Variants in THSD4 observed in about 807,000 individuals in gnomAD.
THSD4 encodes the protein thrombospondin type 1 domain containing 4.
A neutral mutation model predicts 119.0 loss-of-function variants in THSD4; 69 were observed. The observed-to-expected ratio is 0.58, with a 90% confidence interval of 0.48 to 0.71. The LOEUF is 0.71. THSD4 is among the 30% of genes least tolerant of loss of function. The probability of loss-of-function intolerance (pLI) is 0.00; values close to 1 mark genes in which losing one functional copy is unlikely to be tolerated. For synonymous variants in THSD4, 524 were observed against 540.4 expected (o/e 0.97, Z 0.42); for missense variants, 1,393 against 1,391.1 (o/e 1.00, Z -0.02).
chr15:71,268,488 C>T (rs2044489110), intron 6 of THSD4, among the ~76,000 whole-genome samples: 1 of 152,056 alleles, frequency 6.6e-6, no homozygotes, highest in Non-Finnish European at 1.5e-5. Context: ...GCACTAAATG[C>T]CCATAGGAGA....
intron 7 of THSD4, among the ~76,000 whole-genome samples, chr15:71,505,706 A>G (rs891105221): frequency 6.6e-6 from 1 of 152,244 alleles, no homozygotes; most frequent in African/African-American, 2.4e-5. Flanking sequence ...GGTAAGGCAA[A>G]TGGTAATGAA....
chr15:71,770,547 G>C (rs1227772876), intron 16 of THSD4, among the ~76,000 whole-genome samples: 1 of 151,364 alleles, frequency 6.6e-6, no homozygotes, highest in Non-Finnish European at 1.5e-5. Context: ...CCCAGCTACT[G>C]GGGAGGCTGA....
At chr15:71,184,459 A>C (rs567369520) in intron 3 of THSD4, among the ~76,000 whole-genome samples, 2 of 151,878 alleles carry the variant, frequency 1.3e-5, no homozygotes, top group South Asian at 2.1e-4. Flanking sequence ...CTTTGATGGA[A>C]TGCTCACCAT....
chr15:71,127,700 G>A (rs1216729665), intron 1 of THSD4, among the ~76,000 whole-genome samples: 1 of 152,148 alleles, frequency 6.6e-6, no homozygotes, highest in Non-Finnish European at 1.5e-5. Context: ...CCTGTGGGCT[G>A]TTTGTGTATC....
intron 6 of THSD4, among the ~76,000 whole-genome samples, chr15:71,340,797 G>A (rs183279219): frequency 1.5e-4 from 23 of 152,082 alleles, no homozygotes; most frequent in African/African-American, 5.3e-4. Context: ...ACAGAGTTTC[G>A]TCATGTTGAC....
intron 7 of THSD4, among the ~76,000 whole-genome samples, chr15:71,514,036 C>T: frequency 6.6e-6 from 1 of 152,240 alleles, no homozygotes; most frequent in Non-Finnish European, 1.5e-5. Flanking sequence ...TGTTTACTTG[C>T]TTTATTTAGG....
intron 7 of THSD4, among the ~76,000 whole-genome samples, chr15:71,634,075 G>A (rs1180616931): frequency 6.6e-6 from 1 of 151,626 alleles, no homozygotes. Flanking sequence ...TGATTCCAGC[G>A]ACTTGGGACA....
intron 13 of THSD4, among the ~76,000 whole-genome samples, chr15:71,747,423 T>G (rs1443311861): frequency 6.6e-6 from 1 of 152,184 alleles, no homozygotes. Context: ...CAGTCAAAAT[T>G]AAGGCTGTTA....
intron 8 of THSD4, among the ~76,000 whole-genome samples, chr15:71,711,072 A>AAT (rs3086741): frequency 0.41 from 60,609 of 147,648 alleles, 14,646 homozygotes; most frequent in African/African-American, 0.68. Context: ...TTGAAAGCAA[A>AAT]ATATATATAT....
At chr15:71,542,616 G>A (rs1425674601) in intron 7 of THSD4, among the ~76,000 whole-genome samples, 3 of 152,124 alleles carry the variant, frequency 2.0e-5, no homozygotes, top group Non-Finnish European at 4.4e-5. Flanking sequence ...AGTGTCTCAC[G>A]CCTGTAATCC....
At chr15:71,162,772 C>T (rs181928272) in intron 3 of THSD4, among the ~76,000 whole-genome samples, 74 of 152,132 alleles carry the variant, frequency 4.9e-4, no homozygotes, top group African/African-American at 1.7e-3. Context: ...AATATTTGTT[C>T]CCTTAATGGT....
At chr15:71,213,517 G>A (rs1160951733) in intron 3 of THSD4, among the ~76,000 whole-genome samples, 2 of 152,172 alleles carry the variant, frequency 1.3e-5, no homozygotes, top group Non-Finnish European at 2.9e-5. Flanking sequence ...GCTGCATAGA[G>A]CTCATCTGCT....
chr15:71,653,897 A>G (rs1255935298), intron 7 of THSD4, among the ~76,000 whole-genome samples: 1 of 151,880 alleles, frequency 6.6e-6, no homozygotes, highest in Non-Finnish European at 1.5e-5. Flanking sequence ...TAGATTTGGA[A>G]GCATCTACCT....
chr15:71,768,447 A>C (rs2053753313), intron 16 of THSD4, among the ~76,000 whole-genome samples: 1 of 152,146 alleles, frequency 6.6e-6, no homozygotes, highest in Admixed American at 6.5e-5. Flanking sequence ...ACCGCAACCA[A>C]AAACTTTTTA....
intron 7 of THSD4, among the ~76,000 whole-genome samples, chr15:71,482,321 T>C (rs1402587090): frequency 2.0e-3 from 286 of 145,266 alleles, no homozygotes; most frequent in African/African-American, 6.8e-3. Context: ...GACGGAGTCT[T>C]GCTCTGTTGC....
At position 71,153,652 on chromosome 15, in the gene THSD4, C is replaced by G. The variant is rs866099405; in HGVS notation, c.30-1211C>G. 7.2e-5 allele frequency among the ~76,000 whole-genome samples: 11 copies of G among 152,260 alleles called. 1 individual carries two copies. In the South Asian group the frequency reaches 2.3e-3, roughly 32 times the overall value. ...TATCTAACTCCACAAGACCTAACCC[C>G]CGGCTTCGGGCAGGTTTTCCTCATC... On this transcript the variant is annotated intron_variant, in intron 2 of 17. Transcript: ENST00000261862.
chr15:71,695,832 C>A (rs1432508978), intron 8 of THSD4, among the ~76,000 whole-genome samples: 1 of 151,910 alleles, frequency 6.6e-6, no homozygotes, highest in Non-Finnish European at 1.5e-5. Flanking sequence ...CCTGTCTGAG[C>A]CTCTGCTTCC....
At chr15:71,673,979 G>C (rs1347444371) in intron 8 of THSD4, among the ~76,000 whole-genome samples, 2 of 152,192 alleles carry the variant, frequency 1.3e-5, no homozygotes, top group Admixed American at 1.3e-4. Context: ...ACAGTTGTGT[G>C]TTCTTATGGC....
chr15:71,550,339 TA>T (rs2048907837), intron 7 of THSD4, among the ~76,000 whole-genome samples: 1 of 152,218 alleles, frequency 6.6e-6, no homozygotes, highest in African/African-American at 2.4e-5. Context: ...GACATTGTTA[TA>T]TGTAGGGACA....
Sources: allele counts gnomAD v4.1 joint callset (sites outside exome capture counted in the v4.1 genomes callset), GRCh38; gene constraint gnomAD v4.1.1; transcripts MANE v1.5; gene names NCBI Gene and HGNC (gene_info 2026-07-23, HGNC 2026-07-21).